GPHN: variants seen among roughly 807,000 people sequenced by gnomAD.
GPHN encodes the protein gephyrin.
A neutral mutation model predicts 95.5 loss-of-function variants in GPHN; 17 were observed. The observed-to-expected ratio is 0.18, with a 90% CI of 0.12 to 0.27. The LOEUF is 0.27. Among genes scored for constraint, GPHN ranks in the 10% least tolerant of loss-of-function variants. The pLI is 1.00. For missense variants in GPHN, 660 were observed against 978.1 expected (o/e 0.67, Z 4.34); for synonymous variants, 320 against 322.5 (o/e 0.99, Z 0.08).
At chr14:67,359,853 C>T in the GPHN span, 1 of 784,996 alleles carries the variant, frequency 1.3e-6, no homozygotes, top group Non-Finnish European at 2.0e-6. Flanking sequence ...CACCCATTTT[C>T]ACTTCCGCTT....
At chr14:67,665,127 A>G in the GPHN span, among the ~76,000 whole-genome samples, 4,201 of 152,330 alleles carry the variant, frequency 0.028, 208 homozygotes, top group African/African-American at 0.096. Flanking sequence ...TGCTGGGATA[A>G]CAGGTGTGAG....
the GPHN span, among the ~76,000 whole-genome samples, chr14:67,636,300 C>T: frequency 9.2e-5 from 14 of 152,164 alleles, no homozygotes; most frequent in Non-Finnish European, 1.9e-4. Flanking sequence ...CAAAACCTTA[C>T]TCATCATGTA....
At chr14:67,130,754 T>A (rs1595290633) in intron 17 of GPHN, among the ~76,000 whole-genome samples, 1 of 152,332 alleles carries the variant, frequency 6.6e-6, no homozygotes, top group South Asian at 2.1e-4. Context: ...CTCTGCAGCC[T>A]CACCAAGATC....
At chr14:67,162,785 C>A (rs866234453) in intron 19 of GPHN, among the ~76,000 whole-genome samples, 2 of 152,152 alleles carry the variant, frequency 1.3e-5, no homozygotes, top group African/African-American at 4.8e-5. Flanking sequence ...CATGTACTAA[C>A]GCTACATAAC....
At chr14:67,596,990 T>C in the GPHN span, among the ~76,000 whole-genome samples, 1 of 152,244 alleles carries the variant, frequency 6.6e-6, no homozygotes, top group East Asian at 1.9e-4. Flanking sequence ...GATGGTCTCT[T>C]TCTACTTTTT....
the GPHN span, among the ~76,000 whole-genome samples, chr14:67,459,005 A>C: frequency 1.0e-3 from 157 of 152,318 alleles, 1 homozygote; most frequent in African/African-American, 3.5e-3. Context: ...CACCTGCCTC[A>C]GTCTCCTGAG....
At chr14:67,648,568 A>T in the GPHN span, 2 of 158,378 alleles carry the variant, frequency 1.3e-5, no homozygotes, top group Non-Finnish European at 2.8e-5. Context: ...GGAGTTGTGA[A>T]TTTGGAGCTA....
chr14:66,818,745 C>T (rs1188329612), intron 3 of GPHN, among the ~76,000 whole-genome samples: 2 of 152,120 alleles, frequency 1.3e-5, no homozygotes, highest in African/African-American at 4.8e-5. Context: ...CCTTTTTCTC[C>T]ACAACCTTGC....
At chr14:67,276,945 AAC>A in the GPHN span, among the ~76,000 whole-genome samples, 4 of 152,288 alleles carry the variant, frequency 2.6e-5, no homozygotes, top group Non-Finnish European at 5.9e-5. Context: ...ATTAGTTAAA[AAC>A]ACATCATTTA....
chr14:67,309,638 C>A, the GPHN span, among the ~76,000 whole-genome samples: 1 of 152,110 alleles, frequency 6.6e-6, no homozygotes, highest in African/African-American at 2.4e-5. Context: ...TTTTGTTGGC[C>A]TATGGCAATG....
At chr14:67,295,503 C>G in the GPHN span, among the ~76,000 whole-genome samples, 1 of 144,852 alleles carries the variant, frequency 6.9e-6, no homozygotes, top group Non-Finnish European at 1.5e-5. Flanking sequence ...AAAAAAAAAA[C>G]TCTTGGAAAT....
chr14:67,066,912 C>T lies in GPHN; in HGVS notation c.1144+8126C>T, dbSNP rs553689566. ...CTCGGAGAAGTTTGTTATTACGGACCTTCTGAAGCCTACTTCTGTCAACTT... is the reference window on the plus strand; with the variant it reads ...CTCGGAGAAGTTTGTTATTACGGACTTTCTGAAGCCTACTTCTGTCAACTT... On this transcript the variant is annotated intron_variant, in intron 11 of 22. Transcript: ENST00000478722. 1.1e-4 allele frequency among the ~76,000 whole-genome samples: 16 copies of T among 152,306 alleles called. No homozygotes were observed. The South Asian group carries it at 3.3e-3, about 32-fold the overall frequency.
chr14:66,774,733 A>G (rs1280985873), intron 2 of GPHN, among the ~76,000 whole-genome samples: 1 of 152,216 alleles, frequency 6.6e-6, no homozygotes, highest in Non-Finnish European at 1.5e-5. Flanking sequence ...TTCCATAATT[A>G]TATTATTGTT....
intron 1 of GPHN, among the ~76,000 whole-genome samples, chr14:66,635,952 C>G (rs1458526952): frequency 2.0e-5 from 3 of 151,722 alleles, no homozygotes; most frequent in Non-Finnish European, 4.4e-5. Context: ...TCCTGGCTAA[C>G]ACGGTGAAAC....
At chr14:66,825,908 T>C (rs1331489055) in intron 4 of GPHN, among the ~76,000 whole-genome samples, 5 of 152,120 alleles carry the variant, frequency 3.3e-5, no homozygotes, top group African/African-American at 1.2e-4. Context: ...AAAAGTACAA[T>C]TGGGAAGGAA....
the GPHN span, among the ~76,000 whole-genome samples, chr14:67,538,776 G>A: frequency 6.6e-6 from 1 of 152,234 alleles, no homozygotes; most frequent in Admixed American, 6.5e-5. Flanking sequence ...CCATCCCCAA[G>A]GCAGGGAGAG....
At chr14:66,566,966 AG>A (rs2060486551) in intron 1 of GPHN, among the ~76,000 whole-genome samples, 1 of 152,198 alleles carries the variant, frequency 6.6e-6, no homozygotes, top group African/African-American at 2.4e-5. Context: ...GTGGCAGGTT[AG>A]GTTGTCTTTA....
the GPHN span, among the ~76,000 whole-genome samples, chr14:67,336,985 G>C: frequency 6.6e-6 from 1 of 152,160 alleles, no homozygotes; most frequent in Non-Finnish European, 1.5e-5. Context: ...AGACTGCTTA[G>C]ACTTAAATTC....
chr14:66,915,486 A>G (rs1421801989), intron 5 of GPHN, among the ~76,000 whole-genome samples: 5 of 152,094 alleles, frequency 3.3e-5, no homozygotes, highest in African/African-American at 1.2e-4. Flanking sequence ...AATGCCTGTG[A>G]TTATCAGTGG....
Sources: gnomAD v4.1 joint callset for allele counts (sites outside exome capture counted in the v4.1 genomes callset) on GRCh38, gnomAD v4.1.1 for gene constraint, MANE v1.5 for transcripts, NCBI Gene and HGNC (gene_info 2026-07-23, HGNC 2026-07-21) for gene names.